FRAS1: variants seen among roughly 807,000 people sequenced by gnomAD.
FRAS1 encodes extracellular matrix organizing protein FRAS1.
A neutral mutation model predicts 435.2 loss-of-function variants in FRAS1; 290 were observed. That is an observed-to-expected ratio of 0.67 (90% CI 0.61 to 0.73). The LOEUF (loss-of-function observed/expected upper bound fraction) is 0.73. Among genes scored for constraint, FRAS1 ranks in the 30% least tolerant of loss-of-function variants. The pLI, the probability that FRAS1 is intolerant of heterozygous loss-of-function variation, is 0.00. For missense variants in FRAS1, 4,860 were observed against 5,001.5 expected, an observed-to-expected ratio of 0.97 and a Z score of 0.85; for synonymous variants, 1,800 against 1,851.0, an observed-to-expected ratio of 0.97 and a Z score of 0.71.
At chr4:78,271,122 T>C (rs1268451317) in intron 9 of FRAS1, among the ~76,000 whole-genome samples, 1 of 152,220 alleles carries the variant, frequency 6.6e-6, no homozygotes, top group Non-Finnish European at 1.5e-5. Flanking sequence ...ATAATATTTG[T>C]CATTAGTATA....
At chr4:78,067,775 C>T (rs1458182284) in intron 2 of FRAS1, among the ~76,000 whole-genome samples, 2 of 149,486 alleles carry the variant, frequency 1.3e-5, no homozygotes, top group African/African-American at 4.9e-5. Flanking sequence ...CTCACTGCAA[C>T]CTCTGCCTCT....
At position 78,325,840 on chromosome 4, in the gene FRAS1, C is replaced by G. The variant is rs78655686; in HGVS notation, c.2137+6854C>G. On this transcript the variant is annotated intron_variant, in intron 18 of 73. Transcript: ENST00000512123. ...GAAAGATTTGTAGAGGGAAAACTTT[C>G]TATGATTAAGCCTTTGAAGGATTAA... 0.014 allele frequency among the ~76,000 whole-genome samples: 2,087 copies of G among 152,236 alleles called. 201 individuals are homozygous for G. In the East Asian group the frequency reaches 0.26, roughly 19 times the overall value.
chr4:78,469,734 A>G (rs1356554031), intron 50 of FRAS1, among the ~76,000 whole-genome samples: 2 of 150,300 alleles, frequency 1.3e-5, no homozygotes, highest in African/African-American at 5.0e-5. Context: ...CAAGAATGCC[A>G]CTTGTTGTTG....
Position 78,543,329 on chromosome 4 carries a change from T to C in FRAS1, c.*2205T>C, listed in dbSNP as rs1277574297. On this transcript the variant is annotated 3_prime_UTR_variant, in exon 74 of 74. Coordinates refer to ENST00000512123, the MANE Select transcript of FRAS1 (RefSeq NM_025074.7). ...TGTGTAACTGCTCCAAGTGCCAGAA[T>C]GCTTACACGTTAAAGCAGCACCTTT... The C allele has an allele frequency of 1.3e-5, 2 of 152,274 alleles. No individual in the cohort carries two copies. Among genetic ancestry groups the C allele is most frequent in the Non-Finnish European group, 2.9e-5 (2 of 68,054 alleles). The allele number at this position is 152,274 out of a possible 1,614,324, so 9.4% of individuals were successfully genotyped here.
At chr4:78,101,720 T>C (rs1031121523) in intron 2 of FRAS1, among the ~76,000 whole-genome samples, 1 of 152,218 alleles carries the variant, frequency 6.6e-6, no homozygotes, top group Non-Finnish European at 1.5e-5. Context: ...TAGCCTGTAA[T>C]GTGCTTTCAT....
At chr4:78,213,303 C>A (rs184845994) in intron 2 of FRAS1, among the ~76,000 whole-genome samples, 71 of 152,390 alleles carry the variant, frequency 4.7e-4, no homozygotes, top group African/African-American at 7.5e-4. Context: ...AGGGAAAGGG[C>A]AGAACATGAA....
At chr4:78,465,478 A>C (rs903319832) in intron 49 of FRAS1, among the ~76,000 whole-genome samples, 5 of 152,264 alleles carry the variant, frequency 3.3e-5, no homozygotes, top group African/African-American at 1.2e-4. Flanking sequence ...TTTAGCAAAG[A>C]CATTATTAAG....
intron 50 of FRAS1, among the ~76,000 whole-genome samples, chr4:78,468,784 C>T (rs1307670270): frequency 2.6e-5 from 4 of 152,194 alleles, no homozygotes; most frequent in African/African-American, 9.7e-5. Context: ...CTGTGTCTGA[C>T]CTGGGGAAGG....
At chr4:78,277,729 T>C (rs1480017017) in intron 9 of FRAS1, among the ~76,000 whole-genome samples, 1 of 152,102 alleles carries the variant, frequency 6.6e-6, no homozygotes, top group African/African-American at 2.4e-5. Flanking sequence ...ATTATTGATA[T>C]TGGGAAATGA....
At chr4:78,063,212 A>G (rs1006030429) in intron 1 of FRAS1, among the ~76,000 whole-genome samples, 2 of 152,180 alleles carry the variant, frequency 1.3e-5, no homozygotes, top group Non-Finnish European at 2.9e-5. Context: ...CTGGCTTTCA[A>G]CCAGAAGCTA....
intron 4 of FRAS1, among the ~76,000 whole-genome samples, chr4:78,247,447 T>G (rs1406215415): frequency 1.3e-5 from 2 of 152,186 alleles, no homozygotes; most frequent in Non-Finnish European, 2.9e-5. Context: ...AAGATGGATT[T>G]TTTTTAAGGC....
In FRAS1 at chr4:78,479,700, A is replaced by C; in HGVS notation, c.8425A>C (p.Thr2809Pro). 3 of 1,592,606 alleles carry C rather than the reference A, an allele frequency of 1.9e-6. No homozygotes were observed. The highest frequency in any genetic ancestry group is 2.6e-6 in the Non-Finnish European group (3 of 1,166,750). ...TGTGTCCCTGGGCAACACGGCTTTC[A>C]CTGTCAGTGAGGACGCAGGTAATGG... ...STVSLGNTAF[T>P]VSEDAGTVKI... Residue 2809 changes from threonine to proline, a missense_variant, in exon 56 of 74, where the codon ACT (threonine) becomes CCT (proline). Transcript: ENST00000512123.
intron 1 of FRAS1, among the ~76,000 whole-genome samples, chr4:78,060,262 T>C (rs1739696799): frequency 6.6e-6 from 1 of 152,286 alleles, no homozygotes; most frequent in Middle Eastern, 3.4e-3. Context: ...CTTTAAAAAA[T>C]AAGAGCATTG....
In FRAS1 at chr4:78,152,021, A is replaced by T. The variant is rs1720684719; in HGVS notation, c.109-85489A>T. On this transcript the variant is annotated intron_variant, in intron 2 of 73. Coordinates refer to ENST00000512123, the MANE Select transcript of FRAS1 (RefSeq NM_025074.7). ...TTAGTCTGTAGATGGAAGGAATCAG[A>T]CTTGGTCAACTACTGTTCTGAACCA... Among the ~76,000 whole-genome samples, 6 of 152,278 alleles carry T rather than the reference A, an allele frequency of 3.9e-5. No homozygotes were observed. The South Asian group carries it at 1.2e-3, about 32-fold the overall frequency.
chr4:78,198,602 T>C (rs979476944), intron 2 of FRAS1, among the ~76,000 whole-genome samples: 1 of 152,216 alleles, frequency 6.6e-6, no homozygotes, highest in Non-Finnish European at 1.5e-5. Context: ...CTTGGAGATA[T>C]TGAAGTATCT....
Position 78,252,417 on chromosome 4 carries a change from C to T in FRAS1, c.335C>T (p.Pro112Leu). 1 of 1,613,640 alleles carries T rather than the reference C, an allele frequency of 6.2e-7. No homozygotes were observed. Among genetic ancestry groups the T allele is most frequent in the Middle Eastern group, 1.7e-4 (1 of 6,060 alleles). The change falls in exon 5 of 74, where the codon CCA (proline) becomes CTA (leucine). Residue 112 changes from proline (P) to leucine (L), a missense_variant. Transcript: ENST00000512123. ...HEHGTEWASS[P>L]CSVCSCNHGE... ...CATGGGACAGAATGGGCCTCTTCTCCATGTAGTGTGTGCTCTTGCAATCAT... is the reference window on the plus strand; with the variant it reads ...CATGGGACAGAATGGGCCTCTTCTCTATGTAGTGTGTGCTCTTGCAATCAT...
chr4:78,114,780 A>G (rs930938129), intron 2 of FRAS1, among the ~76,000 whole-genome samples: 1 of 152,246 alleles, frequency 6.6e-6, no homozygotes, highest in African/African-American at 2.4e-5. Context: ...GCAAACAGGG[A>G]CAATGTGACT....
chr4:78,477,670 C>T (rs1719891090), intron 54 of FRAS1, 145 bp from the exon 55 acceptor site: 5 of 966,064 alleles, frequency 5.2e-6, no homozygotes, highest in Non-Finnish European at 6.0e-6. Flanking sequence ...GGTGATGCAG[C>T]AGGGAACCAG....
chr4:78,264,806 C>G, intron 6 of FRAS1: 1 of 629,830 alleles, frequency 1.6e-6, no homozygotes, highest in Admixed American at 2.4e-5. Flanking sequence ...TAAAATAAGA[C>G]AGGACTTGAG....
Sources: gnomAD v4.1 joint callset for allele counts (sites outside exome capture counted in the v4.1 genomes callset) on GRCh38, gnomAD v4.1.1 for gene constraint, MANE v1.5 for transcripts, NCBI Gene and HGNC (gene_info 2026-07-23, HGNC 2026-07-21) for gene names.